Variants in CDH13 observed in about 807,000 individuals in gnomAD.
The protein encoded by CDH13 is cadherin-13.
In CDH13, 24 loss-of-function variants were observed where a neutral mutation model predicts 63.8. That is an observed-to-expected ratio of 0.38 (90% CI 0.27 to 0.53). The LOEUF (loss-of-function observed/expected upper bound fraction) is 0.53. Among genes scored for constraint, CDH13 ranks in the 20% least tolerant of loss-of-function variants. The pLI, the probability that CDH13 is intolerant of heterozygous loss-of-function variation, is 0.85. For synonymous variants in CDH13, 503 were observed against 355.3 expected (o/e 1.42, Z -4.67); for missense variants, 1,049 against 903.1 (o/e 1.16, Z -2.07).
chr16:83,464,698 T>C (rs185203849), intron 6 of CDH13, among the ~76,000 whole-genome samples: 252 of 152,220 alleles, frequency 1.7e-3, no homozygotes, highest in African/African-American at 6.0e-3. Context: ...CTGGACGGAA[T>C]GCCTGCCCTA....
At chr16:83,321,055 A>G (rs975708151) in intron 5 of CDH13, among the ~76,000 whole-genome samples, 1 of 152,264 alleles carries the variant, frequency 6.6e-6, no homozygotes, top group Non-Finnish European at 1.5e-5. Flanking sequence ...TTAATGAAAC[A>G]TTTCATAGAG....
chr16:83,356,948 A>G (rs2091068546), intron 6 of CDH13, among the ~76,000 whole-genome samples: 1 of 152,150 alleles, frequency 6.6e-6, no homozygotes, highest in Non-Finnish European at 1.5e-5. Context: ...GGTTTGGGGA[A>G]TTCTTGTGTT....
chr16:83,744,499 C>A (rs1312749773), intron 10 of CDH13, among the ~76,000 whole-genome samples: 1 of 151,962 alleles, frequency 6.6e-6, no homozygotes, highest in Non-Finnish European at 1.5e-5. Flanking sequence ...TGTGGAAGCC[C>A]TGCGTTCGCC....
chr16:83,434,986 T>TAA (rs898599142), intron 6 of CDH13, among the ~76,000 whole-genome samples: 1 of 77,780 alleles, frequency 1.3e-5, no homozygotes, highest in Non-Finnish European at 2.6e-5. Context: ...AATAAATAAA[T>TAA]ATATATATAT....
chr16:83,036,404 C>T (rs2151481142), intron 3 of CDH13, among the ~76,000 whole-genome samples: 1 of 152,156 alleles, frequency 6.6e-6, no homozygotes, highest in African/African-American at 2.4e-5. Context: ...CCTGCCTCAG[C>T]CTCCCAAAGT....
chr16:83,388,799 T>C (rs1299450431), intron 6 of CDH13, among the ~76,000 whole-genome samples: 1 of 152,208 alleles, frequency 6.6e-6, no homozygotes, highest in Non-Finnish European at 1.5e-5. Flanking sequence ...TGGATACAGC[T>C]ACATTAGCCT....
At chr16:83,550,442 T>G (rs1052027749) in intron 7 of CDH13, among the ~76,000 whole-genome samples, 3 of 152,218 alleles carry the variant, frequency 2.0e-5, no homozygotes, top group Non-Finnish European at 4.4e-5. Flanking sequence ...ATTTGGTGAT[T>G]GAATGTTGCT....
Position 82,627,134 on chromosome 16 carries a change from C to G in CDH13, c.42C>G (p.Ser14=), listed in dbSNP as rs759111270. Residue 14 remains serine (S), a synonymous_variant, in exon 1 of 14, where the codon TCC becomes TCG. Coordinates refer to ENST00000567109, the MANE Select transcript of CDH13 (RefSeq NM_001257.5). ...CGCTCGTTCTGTGCGTTCTCCTGTC[C>G]CAGGTAGGGAAGAGGGGCTGCCGGG... The part of the protein sequence containing the change: ...RTPLVLCVLL[S]QVLLLTSAED... 9.3e-6 allele frequency: 15 copies of G among 1,606,770 alleles called. No homozygotes were observed. In the Admixed American group the frequency reaches 2.2e-4, roughly 24 times the overall value.
chr16:83,293,858 A>G (rs2089522360), intron 5 of CDH13, among the ~76,000 whole-genome samples: 1 of 152,224 alleles, frequency 6.6e-6, no homozygotes, highest in Non-Finnish European at 1.5e-5. Context: ...AATCAGAGCC[A>G]TAATCTCTAA....
At chr16:82,765,530 G>T (rs1054511958) in intron 1 of CDH13, among the ~76,000 whole-genome samples, 3 of 152,140 alleles carry the variant, frequency 2.0e-5, no homozygotes, top group South Asian at 2.1e-4. Flanking sequence ...CCTAGGGCTG[G>T]CGTTGATGAT....
chr16:83,082,046 C>T (rs867748746), intron 3 of CDH13, among the ~76,000 whole-genome samples: 12 of 152,102 alleles, frequency 7.9e-5, no homozygotes, highest in Non-Finnish European at 8.8e-5. Context: ...GTGATCTGCC[C>T]GCCTCGGCCT....
intron 5 of CDH13, among the ~76,000 whole-genome samples, chr16:83,297,485 T>C (rs1158559888): frequency 1.3e-5 from 2 of 152,148 alleles, no homozygotes; most frequent in Admixed American, 6.5e-5. Flanking sequence ...ATGTAACAAA[T>C]GCTGTTCTCA....
intron 5 of CDH13, among the ~76,000 whole-genome samples, chr16:83,274,448 A>C (rs184596692): frequency 3.2e-4 from 49 of 152,316 alleles, no homozygotes; most frequent in African/African-American, 1.2e-3. Context: ...ACCCTCTGCC[A>C]CAGGCTTCAG....
intron 1 of CDH13, among the ~76,000 whole-genome samples, chr16:82,769,579 T>C (rs992206681): frequency 1.3e-5 from 2 of 152,220 alleles, no homozygotes; most frequent in African/African-American, 4.8e-5. Flanking sequence ...TGTCTCCTGA[T>C]GCCACCCTAC....
chr16:82,704,091 C>G (rs933776893), intron 1 of CDH13, among the ~76,000 whole-genome samples: 5 of 152,010 alleles, frequency 3.3e-5, no homozygotes, highest in Non-Finnish European at 1.5e-5. Flanking sequence ...TTGAAAAAGG[C>G]AGGTGGCGTG....
intron 6 of CDH13, among the ~76,000 whole-genome samples, chr16:83,469,310 T>G (rs978140892): frequency 6.6e-5 from 10 of 152,226 alleles, no homozygotes; most frequent in Non-Finnish European, 1.3e-4. Flanking sequence ...TGTTGCTGTT[T>G]CTCAGGCCCT....
intron 3 of CDH13, among the ~76,000 whole-genome samples, chr16:83,121,066 C>G (rs1322330845): frequency 6.6e-6 from 1 of 152,072 alleles, no homozygotes; most frequent in African/African-American, 2.4e-5. Context: ...CCAGCCAATG[C>G]TGTTTCTTTG....
At chr16:83,107,025 G>A (rs1307611764) in intron 3 of CDH13, among the ~76,000 whole-genome samples, 1 of 152,058 alleles carries the variant, frequency 6.6e-6, no homozygotes, top group Non-Finnish European at 1.5e-5. Context: ...CCCACACACA[G>A]ACAGACAGAC....
At chr16:82,793,605 C>G (rs188777164) in intron 1 of CDH13, among the ~76,000 whole-genome samples, 1 of 152,232 alleles carries the variant, frequency 6.6e-6, no homozygotes, top group Admixed American at 6.5e-5. Context: ...ATTTAAAACT[C>G]AAAACCCTGA....
Sources: gnomAD v4.1 joint callset for allele counts (sites outside exome capture counted in the v4.1 genomes callset) on GRCh38, gnomAD v4.1.1 for gene constraint, MANE v1.5 for transcripts, NCBI Gene and HGNC (gene_info 2026-07-23, HGNC 2026-07-21) for gene names.